The following ULK2 variants were observed in gnomAD, a reference collection of about 807,000 sequenced individuals.
ULK2 encodes unc-51 like autophagy activating kinase 2, also known as serine/threonine-protein kinase ULK2.
ULK2 carries 76 observed loss-of-function variants against 127.5 expected under a neutral mutation model. The observed-to-expected ratio is 0.60, with a 90% CI of 0.50 to 0.72. The LOEUF (loss-of-function observed/expected upper bound fraction) is 0.72. Among genes scored for constraint, ULK2 ranks in the 30% least tolerant of loss-of-function variants. The pLI is 0.00. For missense variants in ULK2, 1,144 were observed against 1,295.9 expected (o/e 0.88, Z 1.80); for synonymous variants, 452 against 461.9 (o/e 0.98, Z 0.28).
intron 10 of ULK2, among the ~76,000 whole-genome samples, chr17:19,836,937 T>C (rs1316945586): frequency 6.6e-6 from 1 of 151,058 alleles, no homozygotes; most frequent in Non-Finnish European, 1.5e-5. Flanking sequence ...AAACAAAAAA[T>C]TAGCCAACTG....
intron 20 of ULK2, among the ~76,000 whole-genome samples, chr17:19,791,607 C>T (rs919933820): frequency 5.3e-5 from 8 of 152,208 alleles, no homozygotes; most frequent in East Asian, 1.9e-4. Flanking sequence ...ATCACTTGAA[C>T]CCAGGAGGAG....
chr17:19,814,451 T>TG (rs1443350270), intron 13 of ULK2, among the ~76,000 whole-genome samples: 37 of 67,358 alleles, frequency 5.5e-4, no homozygotes, highest in African/African-American at 1.3e-3. Context: ...TTTTTTTTTT[T>TG]TTTTTTTTTT....
At chr17:19,833,053 G>A (rs536657783) in intron 10 of ULK2, among the ~76,000 whole-genome samples, 1 of 151,020 alleles carries the variant, frequency 6.6e-6, no homozygotes, top group East Asian at 2.0e-4. Context: ...AACTCGGGCG[G>A]CGGAGCTTGC....
intron 20 of ULK2, among the ~76,000 whole-genome samples, chr17:19,790,962 AC>A (rs1468220391): frequency 1.3e-5 from 2 of 152,170 alleles, no homozygotes; most frequent in African/African-American, 2.4e-5. Flanking sequence ...GGATATGACA[AC>A]TGTAGATATA....
chr17:19,789,962 C>A (rs1036672608), intron 20 of ULK2, among the ~76,000 whole-genome samples: 1 of 143,732 alleles, frequency 7.0e-6, no homozygotes, highest in Non-Finnish European at 1.5e-5. Context: ...GTAGAAAAGA[C>A]TAAACAATGA....
chr17:19,777,518 C>T, intron 26 of ULK2, 63 bp downstream of exon 26: 1 of 1,525,738 alleles, frequency 6.6e-7, no homozygotes, highest in Non-Finnish European at 8.8e-7. Context: ...GCTCTTTGTA[C>T]TATGCTTGTG....
intron 18 of ULK2, 78 bp downstream of exon 18, chr17:19,797,318 A>G: frequency 7.1e-7 from 1 of 1,408,968 alleles, no homozygotes; most frequent in Non-Finnish European, 9.5e-7. Flanking sequence ...TAAAAAAATT[A>G]TAGCTATTCT....
At position 19,783,860 on chromosome 17, in the gene ULK2, C is replaced by T. The variant is rs779602501; in HGVS notation, c.2297G>A (p.Arg766His). The T allele has an allele frequency of 8.2e-6, 13 of 1,580,310 alleles. No homozygotes were observed. The highest frequency in any genetic ancestry group is 2.4e-5 in the South Asian group (2 of 84,786). The change falls in exon 22 of 27, where the codon CGC becomes CAC. Residue 766 changes from arginine to histidine, a missense_variant. Transcript: ENST00000395544. ...GCCAGGCGGGGACCCCACGCACACG[C>T]GGCCACTCATGGCACAAAGAGAGCC... ...SGGSLCAMSG[R>H]VCVGSPPGPG...
At chr17:19,839,818 TA>T (rs1436930680) in intron 9 of ULK2, among the ~76,000 whole-genome samples, 2 of 152,090 alleles carry the variant, frequency 1.3e-5, no homozygotes, top group African/African-American at 4.8e-5. Flanking sequence ...TCCATGTTGG[TA>T]AAAATGAGGG....
intron 8 of ULK2, 132 bp downstream of exon 8, chr17:19,842,989 A>G (rs960738262): frequency 8.9e-6 from 7 of 783,166 alleles, no homozygotes; most frequent in Admixed American, 2.1e-5. Flanking sequence ...GTTTTTGCCT[A>G]TAACAGAATC....
At chr17:19,838,087 C>T (rs2041641704) in intron 10 of ULK2, among the ~76,000 whole-genome samples, 2 of 152,144 alleles carry the variant, frequency 1.3e-5, no homozygotes, top group African/African-American at 4.8e-5. Context: ...CACAGATATC[C>T]ACATGGCTCA....
chr17:19,780,122 T>C (rs1328900556), intron 25 of ULK2, among the ~76,000 whole-genome samples: 2 of 149,410 alleles, frequency 1.3e-5, no homozygotes, highest in African/African-American at 4.9e-5. Context: ...TGCAGTGAGC[T>C]GAGATCGTGC....
intron 3 of ULK2, among the ~76,000 whole-genome samples, chr17:19,863,498 T>G (rs1481136043): frequency 8.4e-6 from 1 of 118,432 alleles, no homozygotes. Flanking sequence ...TGATTCTAGT[T>G]TTTTTTTTTT....
intron 20 of ULK2, among the ~76,000 whole-genome samples, chr17:19,786,838 A>C (rs761105978): frequency 6.6e-6 from 1 of 152,198 alleles, no homozygotes; most frequent in Non-Finnish European, 1.5e-5. Flanking sequence ...TCTTCAGACC[A>C]AAAGTAACTA....
chr17:19,826,097 G>A (rs1449670269), intron 11 of ULK2, 42 bp downstream of exon 11: 21 of 1,204,322 alleles, frequency 1.7e-5, no homozygotes, highest in Non-Finnish European at 2.2e-5. Flanking sequence ...CCTAAAGCTT[G>A]CATTCATTCT....
intron 11 of ULK2, among the ~76,000 whole-genome samples, chr17:19,825,692 TAA>T (rs1208499289): frequency 7.0e-6 from 1 of 141,860 alleles, no homozygotes; most frequent in African/African-American, 2.6e-5. Flanking sequence ...AGACTCCGTT[TAA>T]AAAAAAAAGT....
chr17:19,851,042 G>T (rs961402003), intron 3 of ULK2, among the ~76,000 whole-genome samples: 5 of 151,908 alleles, frequency 3.3e-5, no homozygotes, highest in Non-Finnish European at 7.4e-5. Context: ...GCCGGGTACA[G>T]TGGCTCATGC....
chr17:19,783,834 G>A lies in ULK2; in HGVS notation c.2323C>T (p.Pro775Ser). The change falls in exon 22 of 27, where the codon CCA (proline) becomes TCA (serine). Residue 775 changes from proline to serine, a missense_variant. Pro to Ser is a moderately conservative substitution (Grantham distance 74). This residue lies in a region of ULK2 where 913 missense variants were observed against 970.5 expected (regional missense o/e 0.94). Coordinates refer to ENST00000395544, the MANE Select transcript of ULK2 (RefSeq NM_014683.4). ...GRVCVGSPPG[P>S]GFGSSPPGAE... is the part of the protein sequence containing the mutation. Reference sequence around the variant, plus strand: ...CCTGGAGGGGAAGAGCCGAAGCCTGGGCCAGGCGGGGACCCCACGCACACG... The same window carrying A: ...CCTGGAGGGGAAGAGCCGAAGCCTGAGCCAGGCGGGGACCCCACGCACACG... 1 of 1,599,238 alleles carries A rather than the reference G, an allele frequency of 6.3e-7. No individual in the cohort carries two copies. Among genetic ancestry groups the A allele is most frequent in the South Asian group, 1.1e-5 (1 of 87,864 alleles).
chr17:19,822,624 T>C (rs1025742303), intron 12 of ULK2, among the ~76,000 whole-genome samples: 2 of 152,040 alleles, frequency 1.3e-5, no homozygotes, highest in African/African-American at 4.8e-5. Flanking sequence ...CGCCTCAGAC[T>C]TCCAAAGTGC....
Sources: gnomAD v4.1 joint callset for allele counts (sites outside exome capture counted in the v4.1 genomes callset) on GRCh38, gnomAD v4.1.1 for gene constraint, gnomAD v4.1.1 regional missense constraint, MANE v1.5 for transcripts, NCBI Gene and HGNC (gene_info 2026-07-23, HGNC 2026-07-21) for gene names.